TCAF1: variants seen among roughly 807,000 people sequenced by gnomAD.
The protein encoded by TCAF1 is TRPM8 channel associated factor 1, also known as TRPM8 channel-associated factor 1.
Under a neutral mutation model 27.3 loss-of-function variants are expected in TCAF1, and 4 were observed. The observed-to-expected ratio is 0.15, with a 90% CI of 0.07 to 0.34. The LOEUF (loss-of-function observed/expected upper bound fraction) is 0.34. Among genes scored for constraint, TCAF1 ranks in the 10% least tolerant of loss-of-function variants. The probability of loss-of-function intolerance (pLI) is 1.00; values close to 1 mark genes in which losing one functional copy is unlikely to be tolerated. For missense variants in TCAF1, 257 were observed against 425.8 expected (o/e 0.60, Z 3.49); for synonymous variants, 105 against 167.1 (o/e 0.63, Z 2.87).
Position 143,876,015 on chromosome 7 carries a change from C to T in TCAF1, c.594G>A (p.Lys198=). 6.4e-7 allele frequency: 1 copy of T among 1,563,658 alleles called. No homozygotes were observed. The highest frequency in any genetic ancestry group is 8.7e-7 in the Non-Finnish European group (1 of 1,153,962). Residue 198 remains lysine, a synonymous_variant, in exon 2 of 9, where the codon AAG becomes AAA. Coordinates refer to ENST00000479870, the MANE Select transcript of TCAF1 (RefSeq NM_014719.3). ...GDTSFFKVSK[K]MPKIPVLVSC... is the part of the protein sequence containing the mutation. The stretch of plus-strand genomic sequence containing the variant: ...TAACCAACACTGGGATCTTGGGCAT[C>T]TTCTTGGAGACTTTAAAGAAACTCG...
At chr7:143,896,125 T>C (rs1008239040) in intron 1 of TCAF1, among the ~76,000 whole-genome samples, 2 of 151,820 alleles carry the variant, frequency 1.3e-5, no homozygotes, top group African/African-American at 4.8e-5. Context: ...CAAATAAGTT[T>C]ACTACATATA....
intron 1 of TCAF1, among the ~76,000 whole-genome samples, chr7:143,890,002 T>C (rs562244698): frequency 6.6e-6 from 1 of 152,268 alleles, no homozygotes; most frequent in African/African-American, 2.4e-5. Context: ...TTTTCTTTTT[T>C]TTTTGAGACG....
intron 4 of TCAF1, among the ~76,000 whole-genome samples, chr7:143,862,094 A>G (rs113664561): frequency 0.088 from 12,168 of 137,780 alleles, 802 homozygotes; most frequent in East Asian, 0.29. Context: ...GATTTACTGA[A>G]TGCCTACTCT....
chr7:143,901,733 G>A (rs562467297), intron 1 of TCAF1, among the ~76,000 whole-genome samples: 1 of 152,228 alleles, frequency 6.6e-6, no homozygotes, highest in East Asian at 1.9e-4. Flanking sequence ...TACGAAAATA[G>A]GGGGGGTCAT....
rs149600104 is a variant in TCAF1 at position 143,898,809 on chromosome 7, T to A, written c.-15+3152A>T. Among the ~76,000 whole-genome samples the A allele has an allele frequency of 7.2e-5, 11 of 152,304 alleles. No individual in the cohort carries two copies. The East Asian group carries it at 2.1e-3, about 29-fold the overall frequency. Reference sequence around the variant, plus strand: ...CAAAAAGCAGGTGTTGGAAACTTAATCCCCAATGCAATGGTGTTAAGAGGT... The same window carrying A: ...CAAAAAGCAGGTGTTGGAAACTTAAACCCCAATGCAATGGTGTTAAGAGGT... On this transcript the variant is annotated intron_variant, in intron 1 of 8. Coordinates refer to ENST00000479870, the MANE Select transcript of TCAF1 (RefSeq NM_014719.3).
intron 1 of TCAF1, among the ~76,000 whole-genome samples, chr7:143,883,654 C>G (rs1415950623): frequency 6.6e-6 from 1 of 151,858 alleles, no homozygotes; most frequent in African/African-American, 2.4e-5. Flanking sequence ...TACAGGCGCC[C>G]GCCATCACGC....
intron 1 of TCAF1, among the ~76,000 whole-genome samples, chr7:143,899,886 G>C (rs1229994060): frequency 6.6e-6 from 1 of 152,138 alleles, no homozygotes; most frequent in Non-Finnish European, 1.5e-5. Context: ...CATATAAAAA[G>C]TCAATCTCAT....
Position 143,882,656 on chromosome 7 carries a change from C to G in TCAF1, c.-14-6034G>C, listed in dbSNP as rs550944962. The G allele has an allele frequency of 3.4e-3, 3,294 of 976,584 alleles. 6 individuals are homozygous for G. The highest frequency in any genetic ancestry group is 3.7e-3 in the Non-Finnish European group (3,069 of 822,804). 60.5% of individuals were successfully genotyped at this position (976,584 alleles called of 1,614,324 possible). A position where few individuals can be genotyped will look rare whatever the true frequency, so the allele number is the denominator to read the frequency against. On this transcript the variant is annotated intron_variant, in intron 1 of 8. Transcript: ENST00000479870. Reference sequence around the variant, plus strand: ...CCGCCCCGGCCTCCCGCCCTGCCCTCCCCCCCGCAGCACCCAGGCCGAGTC... The same window carrying G: ...CCGCCCCGGCCTCCCGCCCTGCCCTGCCCCCCGCAGCACCCAGGCCGAGTC...
At position 143,876,329 on chromosome 7, in the gene TCAF1, C is replaced by T. The variant is rs371628803; in HGVS notation, c.280G>A (p.Val94Ile). 5 of 1,614,082 alleles carry T rather than the reference C, an allele frequency of 3.1e-6. No individual in the cohort carries two copies. In the African/African-American group the frequency reaches 5.3e-5, roughly 17 times the overall value. Residue 94 changes from valine to isoleucine, a missense_variant, in exon 2 of 9, where the codon GTA (valine) becomes ATA (isoleucine). By Grantham distance (29) the Val-to-Ile change is conservative. Around this residue, in one of 2 missense-constraint regions of TCAF1, gnomAD observed 255 missense variants for 260.1 expected, o/e 0.98. Coordinates refer to ENST00000479870, the MANE Select transcript of TCAF1 (RefSeq NM_014719.3). Reference protein sequence around the residue: ...LCSSPGAPIGVHPSLAPLAKI... With the variant: ...LCSSPGAPIGIHPSLAPLAKI... ...GCCAAAGGTGCCAGGGATGGGTGTA[C>T]ACCAATGGGAGCCCCAGGGGAAGAG...
At chr7:143,879,143 CTCTT>C (rs1812878355) in intron 1 of TCAF1, among the ~76,000 whole-genome samples, 1 of 152,210 alleles carries the variant, frequency 6.6e-6, no homozygotes, top group African/African-American at 2.4e-5. Context: ...TCTTCCTAAT[CTCTT>C]TCCATTCTGT....
rs1285673333 is a variant in TCAF1 at position 143,870,196 on chromosome 7, CT to C, written c.620+5792del. ...AATCAGCTTTTGGTTTTACTGTTTA[CT>C]TTTTTTTTTAAAGTTGTTTCACAGA... On this transcript the variant is annotated intron_variant, in intron 2 of 8. Transcript: ENST00000479870. 3.6e-4 allele frequency among the ~76,000 whole-genome samples: 42 copies of C among 116,316 alleles called. No individual in the cohort carries two copies. In the East Asian group the frequency reaches 7.4e-3, roughly 21 times the overall value. 76.3% of individuals were successfully genotyped at this position (116,316 alleles called of 152,430 possible). A position where few individuals can be genotyped will look rare whatever the true frequency, so the allele number is the denominator to read the frequency against.
chr7:143,900,058 G>T (rs368631525), intron 1 of TCAF1, among the ~76,000 whole-genome samples: 1 of 125,548 alleles, frequency 8.0e-6, no homozygotes, highest in Non-Finnish European at 1.7e-5. Context: ...TAACACTTTG[G>T]AAAGTTTAGA....
intron 1 of TCAF1, chr7:143,882,680 T>TCCA (rs1813137228): frequency 2.0e-6 from 2 of 979,220 alleles, no homozygotes; most frequent in South Asian, 9.6e-5. Flanking sequence ...CCAGGCCGAG[T>TCCA]CCACCGTTGC....
In TCAF1 at chr7:143,899,964, A is replaced by C. The variant is rs574186650; in HGVS notation, c.-15+1997T>G. ...TTCATACCTGCCAGACTGACAAAAA[A>C]TGTAATTTTACAAGACTAAGCTGTG... On this transcript the variant is annotated intron_variant, in intron 1 of 8. Transcript: ENST00000479870. Among the ~76,000 whole-genome samples, 3 of 152,352 alleles carry C rather than the reference A, an allele frequency of 2.0e-5. No homozygotes were observed. In the South Asian group the frequency reaches 6.2e-4, roughly 32 times the overall value.
chr7:143,886,468 G>C (rs1302630045), intron 1 of TCAF1: 1 of 977,952 alleles, frequency 1.0e-6, no homozygotes, highest in Non-Finnish European at 1.2e-6. Context: ...CATAGGTTAA[G>C]AACTCTATTT....
At chr7:143,891,014 A>G (rs1052936184) in intron 1 of TCAF1, among the ~76,000 whole-genome samples, 1 of 152,240 alleles carries the variant, frequency 6.6e-6, no homozygotes, top group African/African-American at 2.4e-5. Context: ...CAGTTGACAC[A>G]TAAGAAAATC....
intron 1 of TCAF1, chr7:143,884,865 A>T (rs2116828659): frequency 2.6e-6 from 1 of 379,078 alleles, no homozygotes; most frequent in Admixed American, 6.4e-5. Context: ...TAATAAAATA[A>T]AATATGTTGC....
At chr7:143,888,039 A>G (rs529180590) in intron 1 of TCAF1, among the ~76,000 whole-genome samples, 1 of 152,320 alleles carries the variant, frequency 6.6e-6, no homozygotes, top group South Asian at 2.1e-4. Context: ...TTCAGTTTGT[A>G]AAAATGTATC....
chr7:143,875,028 T>A (rs960820361), intron 2 of TCAF1, among the ~76,000 whole-genome samples: 2 of 152,172 alleles, frequency 1.3e-5, no homozygotes, highest in African/African-American at 4.8e-5. Context: ...AGACTAACTA[T>A]TCTGGTTGAT....
Sources: gnomAD v4.1 joint callset for allele counts (sites outside exome capture counted in the v4.1 genomes callset) on GRCh38, gnomAD v4.1.1 for gene constraint, gnomAD v4.1.1 regional missense constraint, MANE v1.5 for transcripts, NCBI Gene and HGNC (gene_info 2026-07-23, HGNC 2026-07-21) for gene names.